TSPAN14: variants seen among roughly 807,000 people sequenced by gnomAD.
TSPAN14 encodes the protein tetraspanin-14.
In TSPAN14, 16 loss-of-function variants were observed where a neutral mutation model predicts 36.6. That is an observed-to-expected ratio of 0.44 (90% confidence interval 0.30 to 0.66). The LOEUF is 0.66. TSPAN14 is among the 30% of genes least tolerant of loss of function. The probability of loss-of-function intolerance (pLI) is 0.12; values close to 1 mark genes in which losing one functional copy is unlikely to be tolerated. For missense variants in TSPAN14, 231 were observed against 355.1 expected (o/e 0.65, Z 2.81); for synonymous variants, 139 against 143.8 (o/e 0.97, Z 0.24).
rs538778581 is a variant in TSPAN14, at chr10:80,509,854, C to T, written c.450+383C>T. The T allele has an allele frequency of 1.0e-4, 19 of 186,108 alleles. No homozygotes were observed. The highest frequency in any genetic ancestry group is 2.8e-4 in the African/African-American group (12 of 42,690). The allele number at this position is 186,108 out of a possible 1,614,324, so 11.5% of individuals were successfully genotyped here. ...TTCTTCCCCCCGGCTCATGACTCACCATCTGACGCTATTCCTATCCCCTTC... is the reference window on the plus strand; with the variant it reads ...TTCTTCCCCCCGGCTCATGACTCACTATCTGACGCTATTCCTATCCCCTTC... On this transcript the variant is annotated intron_variant, in intron 5 of 8. Coordinates refer to ENST00000429989, the Ensembl canonical transcript of TSPAN14. The surrounding 1 kb of genome is among the most constrained non-coding windows in gnomAD (Gnocchi z 4.7).
At chr10:80,471,397 A>G (rs190410986) in intron 1 of TSPAN14, among the ~76,000 whole-genome samples, 1 of 152,186 alleles carries the variant, frequency 6.6e-6, no homozygotes, top group African/African-American at 2.4e-5. Context: ...GTCTGGAGGC[A>G]CAGCACCTTG....
At chr10:80,461,972 G>GATAGT (rs1398667202) in intron 1 of TSPAN14, among the ~76,000 whole-genome samples, 1 of 151,656 alleles carries the variant, frequency 6.6e-6, no homozygotes, top group Non-Finnish European at 1.5e-5. Flanking sequence ...GGAGTGCAGT[G>GATAGT]GCCCTATCAC....
intron 1 of TSPAN14, chr10:80,466,655 G>T (rs1846266823): frequency 6.6e-6 from 1 of 152,174 alleles, no homozygotes; most frequent in South Asian, 2.1e-4. Context: ...ACTTTGGTGG[G>T]GGGTGGGGTA....
Position 80,507,489 on chromosome 10 carries a change from G to A in TSPAN14, c.279+115G>A, listed in dbSNP as rs1840363155. ...TGGCAGCTCTTAGGAGCCTCCCCTA[G>A]GCCCCTGCCTGGGAGCAGGAGGCAG... On this transcript the variant is annotated intron_variant, in intron 4 of 8. Transcript: ENST00000429989. 2.1e-6 allele frequency: 3 copies of A among 1,447,576 alleles called. 1 individual carries two copies. The highest frequency in any genetic ancestry group is 9.4e-7 in the Non-Finnish European group (1 of 1,065,412). 89.7% of individuals were successfully genotyped at this position (1,447,576 alleles called of 1,614,324 possible).
intron 1 of TSPAN14, among the ~76,000 whole-genome samples, chr10:80,472,870 T>C (rs930734401): frequency 1.3e-5 from 2 of 152,218 alleles, no homozygotes; most frequent in Non-Finnish European, 2.9e-5. Flanking sequence ...GAATGACAGC[T>C]CTTCAAAACA....
intron 3 of TSPAN14, among the ~76,000 whole-genome samples, chr10:80,506,546 C>T (rs1163165362): frequency 6.6e-6 from 1 of 152,228 alleles, no homozygotes; most frequent in Non-Finnish European, 1.5e-5. Context: ...ACTCAGTCTC[C>T]AGGGCTTAGC....
intron 1 of TSPAN14, among the ~76,000 whole-genome samples, chr10:80,463,824 C>G (rs1846099234): frequency 2.0e-5 from 3 of 152,298 alleles, no homozygotes; most frequent in Admixed American, 6.5e-5. Flanking sequence ...ACAAAGTTTT[C>G]TTTTGGAGGG....
At chr10:80,516,879 C>T (rs1407520071) in intron 8 of TSPAN14, among the ~76,000 whole-genome samples, 1 of 152,234 alleles carries the variant, frequency 6.6e-6, no homozygotes, top group East Asian at 1.9e-4. Flanking sequence ...CTCTCCCAGG[C>T]TGTGCTTGTT....
intron 1 of TSPAN14, among the ~76,000 whole-genome samples, chr10:80,459,799 C>A (rs1845889837): frequency 6.6e-6 from 1 of 152,180 alleles, no homozygotes; most frequent in African/African-American, 2.4e-5. Context: ...ACCCCGAGGT[C>A]TGAGTGGTGA....
chr10:80,521,911 G>GAAAAAAAAA (rs998499950), exon 9 of TSPAN14: 1 of 90,670 alleles, frequency 1.1e-5, no homozygotes, highest in Non-Finnish European at 2.3e-5. Context: ...GCTCAAAAAA[G>GAAAAAAAAA]AAAAAAAAAA....
intron 1 of TSPAN14, among the ~76,000 whole-genome samples, chr10:80,464,055 G>A (rs936191088): frequency 6.6e-6 from 1 of 152,198 alleles, no homozygotes; most frequent in Non-Finnish European, 1.5e-5. Flanking sequence ...GTAGGGAGGC[G>A]GGGAGCAGGC....
intron 2 of TSPAN14, among the ~76,000 whole-genome samples, chr10:80,500,972 T>C (rs1848478766): frequency 6.6e-6 from 1 of 152,238 alleles, no homozygotes; most frequent in Non-Finnish European, 1.5e-5. Flanking sequence ...CCAAAATTCC[T>C]TTTGTGAAAC....
intron 2 of TSPAN14, among the ~76,000 whole-genome samples, chr10:80,503,095 CCCTGGGGG>C (rs894126060): frequency 2.2e-5 from 3 of 139,314 alleles, no homozygotes; most frequent in African/African-American, 7.7e-5. Context: ...GGAGGCAGGT[CCCTGGGGG>C]CCTTGAATAA....
chr10:80,489,431 G>A lies in TSPAN14; in HGVS notation c.81+117G>A, dbSNP rs1847804659. 19 of 780,590 alleles carry A rather than the reference G, an allele frequency of 2.4e-5. No homozygotes were observed. In the South Asian group the frequency reaches 2.7e-4, roughly 11 times the overall value. 48.4% of individuals were successfully genotyped at this position (780,590 alleles called of 1,614,324 possible). A position where few individuals can be genotyped will look rare whatever the true frequency, so the allele number is the denominator to read the frequency against. On this transcript the variant is annotated intron_variant, in intron 2 of 8. Coordinates refer to ENST00000429989, the Ensembl canonical transcript of TSPAN14. The stretch of plus-strand genomic sequence containing the variant: ...GTAAGGCTCTGGGATAAGGTGGTGG[G>A]CAGGGTCAGTGACCCCTACCCTCAC...
chr10:80,466,621 C>T (rs1363808138), intron 1 of TSPAN14: 3 of 152,218 alleles, frequency 2.0e-5, no homozygotes, highest in East Asian at 3.9e-4. Context: ...TGGTGCTCAT[C>T]GTGAAAGGCA....
Position 80,482,634 on chromosome 10 carries a change from G to A in TSPAN14, c.-17-6583G>A, listed in dbSNP as rs973763165. Among the ~76,000 whole-genome samples, 12 of 151,126 alleles carry A rather than the reference G, an allele frequency of 7.9e-5. 1 individual carries two copies. The highest frequency in any genetic ancestry group is 3.0e-4 in the African/African-American group (12 of 40,536). On this transcript the variant is annotated intron_variant, in intron 1 of 8. Coordinates refer to ENST00000429989, the Ensembl canonical transcript of TSPAN14. ...GTGCATGTGAGTGTGCGTGTGCACT[G>A]GATTGACTTTTGTTAAATGTATTTC... is the stretch of plus-strand genomic sequence containing the variant.
chr10:80,490,453 T>C (rs1847864896), intron 2 of TSPAN14, among the ~76,000 whole-genome samples: 1 of 152,156 alleles, frequency 6.6e-6, no homozygotes, highest in South Asian at 2.1e-4. Context: ...GCGAGTGGCC[T>C]GTGGTAAAGG....
chr10:80,513,687 G>A (rs774595207), intron 6 of TSPAN14, among the ~76,000 whole-genome samples: 3 of 152,206 alleles, frequency 2.0e-5, no homozygotes, highest in Non-Finnish European at 4.4e-5. Context: ...TTTGTGGTAC[G>A]TGAAAATTAT....
chr10:80,479,920 C>G (rs544104799), intron 1 of TSPAN14, among the ~76,000 whole-genome samples: 2 of 147,542 alleles, frequency 1.4e-5, no homozygotes, highest in East Asian at 3.9e-4. Context: ...TCTTCCTACC[C>G]ATGAGCATGG....
Sources: gnomAD v4.1 joint callset for allele counts (sites outside exome capture counted in the v4.1 genomes callset) on GRCh38, gnomAD v4.1.1 for gene constraint, Gnocchi (gnomAD v3.1) non-coding constraint, MANE v1.5 for transcripts, NCBI Gene and HGNC (gene_info 2026-07-23, HGNC 2026-07-21) for gene names.